VRK2: variants seen among roughly 807,000 people sequenced by gnomAD.
VRK2 encodes VRK serine/threonine kinase 2, also known as serine/threonine-protein kinase VRK2.
Under a neutral mutation model 57.6 loss-of-function variants are expected in VRK2, and 60 were observed. The ratio of observed to expected loss-of-function variants is 1.04; its 90% CI spans 0.85 to 1.29. The LOEUF is 1.29. Ranked by LOEUF, VRK2 falls within the 50% of genes most tolerant of loss-of-function variation. The pLI is 0.00. For synonymous variants in VRK2, 231 were observed against 199.2 expected, an observed-to-expected ratio of 1.16 and a Z score of -1.35; for missense variants, 705 against 588.1, an observed-to-expected ratio of 1.20 and a Z score of -2.06.
chr2:58,110,501 C>G lies in VRK2; in HGVS notation c.544-12600C>G, dbSNP rs1675400410. 2.6e-5 allele frequency among the ~76,000 whole-genome samples: 4 copies of G among 152,120 alleles called. No individual in the cohort carries two copies. The South Asian group carries it at 8.3e-4, about 32-fold the overall frequency. On this transcript the variant is annotated intron_variant, in intron 7 of 12. Transcript: ENST00000340157. The stretch of plus-strand genomic sequence containing the variant: ...CATATCTGTTAAAAAATATATGTAG[C>G]CTCACAGATGCTACTGTGTTTTGAT...
intron 7 of VRK2, among the ~76,000 whole-genome samples, chr2:58,102,100 T>G (rs1674055138): frequency 6.6e-6 from 1 of 151,570 alleles, no homozygotes; most frequent in Non-Finnish European, 1.5e-5. Flanking sequence ...AGATCTTTAC[T>G]ATTTAATATA....
chr2:57,939,973 CT>C (rs1558503973), intron 1 of VRK2, among the ~76,000 whole-genome samples: 1 of 152,066 alleles, frequency 6.6e-6, no homozygotes, highest in Non-Finnish European at 1.5e-5. Flanking sequence ...GAGATTGTAC[CT>C]TTTTTAATAT....
chr2:58,108,155 ACT>A (rs1212112268), intron 7 of VRK2, among the ~76,000 whole-genome samples: 1 of 151,734 alleles, frequency 6.6e-6, no homozygotes, highest in East Asian at 1.9e-4. Context: ...TCCTCTTCTT[ACT>A]CTCTTTTTCT....
At chr2:58,052,111 G>A (rs1675831482) in intron 2 of VRK2, among the ~76,000 whole-genome samples, 1 of 152,098 alleles carries the variant, frequency 6.6e-6, no homozygotes, top group Non-Finnish European at 1.5e-5. Flanking sequence ...AGAGGTTTTG[G>A]CATTAGGCAT....
chr2:57,926,239 A>C (rs2678869), intron 1 of VRK2, among the ~76,000 whole-genome samples: 95,926 of 151,170 alleles, frequency 0.63, 30,549 homozygotes, highest in African/African-American at 0.72. Flanking sequence ...CTGCTAGGTC[A>C]TCTTGTTCTA....
chr2:57,983,027 G>A (rs1289677398), intron 1 of VRK2, among the ~76,000 whole-genome samples: 2 of 152,170 alleles, frequency 1.3e-5, no homozygotes, highest in Admixed American at 6.5e-5. Flanking sequence ...CCTAGGAGCT[G>A]CTCAGGGCCA....
chr2:57,909,477 T>TGTGTGTG (rs10679276), intron 1 of VRK2, among the ~76,000 whole-genome samples: 2 of 150,078 alleles, frequency 1.3e-5, no homozygotes, highest in Non-Finnish European at 3.0e-5. Flanking sequence ...TGTGTGTGTG[T>TGTGTGTG]TTTTTTTTTA....
chr2:58,079,729 A>G (rs1670596796), intron 2 of VRK2, among the ~76,000 whole-genome samples: 1 of 151,902 alleles, frequency 6.6e-6, no homozygotes, highest in Non-Finnish European at 1.5e-5. Flanking sequence ...TAATTTGCTT[A>G]GTTTTATTTT....
At chr2:57,997,610 A>G (rs147397309) in intron 1 of VRK2, among the ~76,000 whole-genome samples, 165 of 152,326 alleles carry the variant, frequency 1.1e-3, no homozygotes, top group African/African-American at 3.7e-3. Context: ...AAATCAAGAA[A>G]CTGGGATGCA....
intron 1 of VRK2, among the ~76,000 whole-genome samples, chr2:57,920,408 G>A (rs148444589): frequency 2.0e-5 from 3 of 152,000 alleles, no homozygotes; most frequent in Admixed American, 1.3e-4. Context: ...ATATCCTCAC[G>A]ATCAATTGAT....
chr2:58,079,709 T>C (rs1670593432), intron 2 of VRK2, among the ~76,000 whole-genome samples: 1 of 152,008 alleles, frequency 6.6e-6, no homozygotes, highest in Non-Finnish European at 1.5e-5. Flanking sequence ...ATATTATAAA[T>C]TTTATTGCTT....
At chr2:57,941,833 T>C (rs1402599373) in intron 1 of VRK2, among the ~76,000 whole-genome samples, 1 of 152,218 alleles carries the variant, frequency 6.6e-6, no homozygotes, top group African/African-American at 2.4e-5. Flanking sequence ...CAGGATACCA[T>C]ATCCCCAAGA....
At chr2:57,992,735 A>C (rs1672806644) in intron 1 of VRK2, among the ~76,000 whole-genome samples, 1 of 151,996 alleles carries the variant, frequency 6.6e-6, no homozygotes, top group Non-Finnish European at 1.5e-5. Context: ...ACGGGGTTTC[A>C]CCTTGTTAGC....
chr2:57,997,720 T>C (rs112900504), intron 1 of VRK2, among the ~76,000 whole-genome samples: 19 of 151,970 alleles, frequency 1.3e-4, no homozygotes, highest in Non-Finnish European at 1.2e-4. Context: ...CTGGGCAACA[T>C]GGTGAAACAC....
At chr2:58,137,099 A>ATATATCATATATATCATGTGTT (rs1680321635) in intron 10 of VRK2, among the ~76,000 whole-genome samples, 1 of 126,016 alleles carries the variant, frequency 7.9e-6, no homozygotes, top group Non-Finnish European at 1.6e-5. Context: ...TGTATATATC[A>ATATATCATATATATCATGTGTT]TATATATAAC....
rs754359614 is a variant in VRK2, at chr2:57,990,874, C to G, written c.-438-34791C>G. Among the ~76,000 whole-genome samples the G allele has an allele frequency of 2.0e-5, 3 of 151,614 alleles. No individual in the cohort carries two copies. The South Asian group carries it at 6.2e-4, about 32-fold the overall frequency. On this transcript the variant is annotated intron_variant, in intron 1 of 15. Coordinates refer to the VRK2 transcript ENST00000417641. The stretch of plus-strand genomic sequence containing the variant: ...AGACATACACACACACACACACACA[C>G]ACACACACACATGCACACACACAAT...
At chr2:58,064,531 C>T (rs1052909342) in intron 2 of VRK2, among the ~76,000 whole-genome samples, 1 of 151,926 alleles carries the variant, frequency 6.6e-6, no homozygotes, top group African/African-American at 2.4e-5. Context: ...GCTGTTGTAC[C>T]CTTAATAAAC....
chr2:58,146,494 G>A lies in VRK2; in HGVS notation c.1182+20G>A. On this transcript the variant is annotated intron_variant, in intron 12 of 12. Coordinates refer to ENST00000340157, the MANE Select transcript of VRK2 (RefSeq NM_006296.7). The stretch of plus-strand genomic sequence containing the variant: ...GCTCAGGTGAGAGGGTTGTTTGTGT[G>A]TGTTTTTTCTAACTTAATGTTACAT... The A allele has an allele frequency of 6.3e-7, 1 of 1,595,576 alleles. No homozygotes were observed. Among genetic ancestry groups the A allele is most frequent in the Non-Finnish European group, 8.5e-7 (1 of 1,171,534 alleles).
intron 1 of VRK2, among the ~76,000 whole-genome samples, chr2:57,933,857 T>C (rs1670819491): frequency 6.6e-6 from 1 of 152,212 alleles, no homozygotes; most frequent in South Asian, 2.1e-4. Flanking sequence ...TTTTCTTTAG[T>C]GCAATCCTTG....
Sources: allele counts gnomAD v4.1 joint callset (sites outside exome capture counted in the v4.1 genomes callset), GRCh38; gene constraint gnomAD v4.1.1; transcripts MANE v1.5; gene names NCBI Gene and HGNC (gene_info 2026-07-23, HGNC 2026-07-21).